Variants in NRG1 observed in about 807,000 individuals in gnomAD.
The protein encoded by NRG1 is pro-neuregulin-1, membrane-bound isoform.
In NRG1, 18 loss-of-function variants were observed where a neutral mutation model predicts 63.8. The ratio of observed to expected loss-of-function variants is 0.28; its 90% CI spans 0.19 to 0.42. NRG1 has a LOEUF of 0.42. Ranked by LOEUF, NRG1 falls within the 10% of genes least tolerant of loss-of-function variation. The pLI is 1.00. For synonymous variants in NRG1, 302 were observed against 301.3 expected (o/e 1.00, Z -0.02); for missense variants, 762 against 814.7 (o/e 0.94, Z 0.79).
intron 1 of NRG1, among the ~76,000 whole-genome samples, chr8:32,153,283 A>G (rs1472798673): frequency 6.6e-6 from 1 of 152,144 alleles, no homozygotes; most frequent in Non-Finnish European, 1.5e-5. Context: ...CATACTCTTG[A>G]TATTTTATCC....
chr8:32,441,850 A>T (rs1819589616), intron 1 of NRG1, among the ~76,000 whole-genome samples: 2 of 152,092 alleles, frequency 1.3e-5, no homozygotes, highest in South Asian at 4.1e-4. Context: ...ACTAGATTTT[A>T]CCAGTTTCTG....
chr8:32,759,389 T>C (rs745662431), exon 10 of NRG1: 1 of 1,613,958 alleles, frequency 6.2e-7, no homozygotes, highest in Admixed American at 1.7e-5. Flanking sequence ...GTCACTATAC[T>C]TCCACAGCCC....
intron 1 of NRG1, among the ~76,000 whole-genome samples, chr8:32,520,175 T>G (rs957608510): frequency 3.3e-5 from 5 of 152,188 alleles, no homozygotes; most frequent in Non-Finnish European, 5.9e-5. Context: ...TGTTGTTTGT[T>G]TTTGAGACAG....
intron 1 of NRG1, among the ~76,000 whole-genome samples, chr8:31,965,970 G>A (rs1300287088): frequency 6.6e-6 from 1 of 152,090 alleles, no homozygotes; most frequent in Non-Finnish European, 1.5e-5. Flanking sequence ...ACAAAAATGG[G>A]GAGAGAGAGA....
chr8:32,308,309 G>C (rs535998718), intron 1 of NRG1, among the ~76,000 whole-genome samples: 2 of 152,104 alleles, frequency 1.3e-5, no homozygotes. Context: ...CTTTATTAAG[G>C]CATCCATATG....
At position 31,640,600 on chromosome 8, in the gene NRG1, ATCT is replaced by A. The variant is rs1184421773; in HGVS notation, c.37+1175_37+1177del. 10 of 1,612,110 alleles carry A rather than the reference ATCT, an allele frequency of 6.2e-6. No individual in the cohort carries two copies. Among genetic ancestry groups the A allele is most frequent in the Non-Finnish European group, 7.6e-6 (9 of 1,179,600 alleles). On this transcript the variant is annotated intron_variant, in intron 1 of 10. Coordinates refer to the NRG1 transcript ENST00000519301. The surrounding 1 kb of genome is among the most constrained non-coding windows in gnomAD (Gnocchi z 6.3). ...GAGGCTCAAGGAGGACAGCAGGTAC[ATCT>A]TCTTCATGGAGCCCGACGCCAACAG...
chr8:32,122,626 T>C (rs1833601185), intron 1 of NRG1, among the ~76,000 whole-genome samples: 1 of 151,722 alleles, frequency 6.6e-6, no homozygotes, highest in Admixed American at 6.6e-5. Flanking sequence ...TTTATTATTA[T>C]TATTATTATT....
intron 1 of NRG1, among the ~76,000 whole-genome samples, chr8:32,047,338 C>T (rs767913489): frequency 7.9e-5 from 12 of 151,890 alleles, no homozygotes; most frequent in South Asian, 2.1e-4. Flanking sequence ...ACAACCTGAA[C>T]GTTTTTTCAT....
chr8:32,593,628 T>C (rs1842870064), intron 1 of NRG1, among the ~76,000 whole-genome samples: 1 of 151,862 alleles, frequency 6.6e-6, no homozygotes, highest in South Asian at 2.1e-4. Flanking sequence ...CACTCCAGCC[T>C]GTGCAACCGA....
intron 1 of NRG1, among the ~76,000 whole-genome samples, chr8:32,383,156 T>C (rs1810565140): frequency 6.6e-6 from 1 of 152,064 alleles, no homozygotes; most frequent in Non-Finnish European, 1.5e-5. Context: ...AGCCCAGGAT[T>C]GGAGGCTGCA....
At chr8:32,571,061 G>T (rs1421683749) in intron 1 of NRG1, among the ~76,000 whole-genome samples, 1 of 152,192 alleles carries the variant, frequency 6.6e-6, no homozygotes, top group Non-Finnish European at 1.5e-5. Context: ...TCCTAGAAAA[G>T]CCTATGGTGG....
intron 1 of NRG1, among the ~76,000 whole-genome samples, chr8:32,265,426 C>T (rs1850820564): frequency 6.6e-6 from 1 of 152,108 alleles, no homozygotes; most frequent in East Asian, 1.9e-4. Flanking sequence ...TTCATAACTC[C>T]AGTGACCTTT....
At chr8:32,689,076 A>ACTAAAAAGCAACCGTACAG (rs1810920655) in intron 5 of NRG1, among the ~76,000 whole-genome samples, 1 of 152,152 alleles carries the variant, frequency 6.6e-6, no homozygotes, top group Non-Finnish European at 1.5e-5. Context: ...GGTTGATATG[A>ACTAAAAAGCAACCGTACAG]CTAAAAAGCA....
intron 1 of NRG1, among the ~76,000 whole-genome samples, chr8:32,511,732 A>T (rs1368116435): frequency 6.6e-6 from 1 of 152,168 alleles, no homozygotes; most frequent in Admixed American, 6.5e-5. Context: ...TAAAAACAAT[A>T]AGAACTCTTT....
chr8:32,654,136 A>G (rs1409086776), intron 5 of NRG1, among the ~76,000 whole-genome samples: 1 of 152,170 alleles, frequency 6.6e-6, no homozygotes, highest in Non-Finnish European at 1.5e-5. Flanking sequence ...ACTACAACCA[A>G]TCAGTAGCAG....
intron 3 of NRG1, among the ~76,000 whole-genome samples, chr8:32,611,175 GA>G (rs1846304244): frequency 1.3e-5 from 2 of 151,920 alleles, no homozygotes; most frequent in African/African-American, 4.8e-5. Flanking sequence ...TTTTTAATCA[GA>G]AGAAAAATTA....
intron 1 of NRG1, among the ~76,000 whole-genome samples, chr8:32,521,270 C>T (rs1199575482): frequency 2.0e-5 from 3 of 151,910 alleles, no homozygotes; most frequent in East Asian, 1.9e-4. Context: ...TCTGTCTTTC[C>T]CTAAAGCAAT....
At chr8:32,628,206 T>A (rs1849635767) in intron 5 of NRG1, among the ~76,000 whole-genome samples, 1 of 152,226 alleles carries the variant, frequency 6.6e-6, no homozygotes, top group Non-Finnish European at 1.5e-5. Flanking sequence ...AAACAGGATA[T>A]TTTTATGATG....
intron 5 of NRG1, among the ~76,000 whole-genome samples, chr8:32,698,294 C>T (rs986089480): frequency 2.4e-4 from 37 of 151,712 alleles, no homozygotes; most frequent in African/African-American, 8.5e-4. Context: ...TCTTTTCTGT[C>T]GCATTCAAGG....
Sources: gnomAD v4.1 joint callset for allele counts (sites outside exome capture counted in the v4.1 genomes callset) on GRCh38, gnomAD v4.1.1 for gene constraint, Gnocchi (gnomAD v3.1) non-coding constraint, MANE v1.5 for transcripts, NCBI Gene and HGNC (gene_info 2026-07-23, HGNC 2026-07-21) for gene names.